The following EFNA5 variants were observed in gnomAD, a reference collection of about 807,000 sequenced individuals.
EFNA5 encodes ephrin-A5.
Under a neutral mutation model 22.9 loss-of-function variants are expected in EFNA5, and 5 were observed. That is an observed-to-expected ratio of 0.22 (90% CI 0.11 to 0.46). EFNA5 has a LOEUF of 0.46. Among genes scored for constraint, EFNA5 ranks in the 20% least tolerant of loss-of-function variants. The probability of loss-of-function intolerance (pLI) is 0.99; values close to 1 mark genes in which losing one functional copy is unlikely to be tolerated. For missense variants in EFNA5, 237 were observed against 293.3 expected, an observed-to-expected ratio of 0.81 and a Z score of 1.40; for synonymous variants, 113 against 112.2, an observed-to-expected ratio of 1.01 and a Z score of -0.04.
chr5:107,384,948 T>C (rs955780679), intron 4 of EFNA5, among the ~76,000 whole-genome samples: 2 of 151,772 alleles, frequency 1.3e-5, no homozygotes, highest in African/African-American at 4.8e-5. Context: ...GTTTTCTTAT[T>C]GCCAGGAATT....
At chr5:107,557,427 C>T (rs771801904) in intron 1 of EFNA5, among the ~76,000 whole-genome samples, 4 of 152,110 alleles carry the variant, frequency 2.6e-5, no homozygotes, top group Non-Finnish European at 5.9e-5. Context: ...TTCAGCCACA[C>T]GCTGCCTCAG....
intron 1 of EFNA5, among the ~76,000 whole-genome samples, chr5:107,515,105 T>C (rs1580506513): frequency 1.3e-5 from 2 of 152,164 alleles, no homozygotes; most frequent in Middle Eastern, 6.8e-3. Flanking sequence ...GAAAGTCCAC[T>C]TGCACTGTAA....
chr5:107,570,076 T>C (rs945853232), intron 1 of EFNA5, among the ~76,000 whole-genome samples: 7 of 152,138 alleles, frequency 4.6e-5, no homozygotes, highest in African/African-American at 1.7e-4. Flanking sequence ...CTGTATCTGT[T>C]TAACACCAAA....
chr5:107,638,346 C>T (rs557832320), intron 1 of EFNA5, among the ~76,000 whole-genome samples: 21 of 150,218 alleles, frequency 1.4e-4, no homozygotes, highest in South Asian at 4.3e-4. Flanking sequence ...GGGACTGGGG[C>T]GGGTGGGTGA....
chr5:107,577,157 A>G (rs1748944471), intron 1 of EFNA5, among the ~76,000 whole-genome samples: 1 of 152,200 alleles, frequency 6.6e-6, no homozygotes, highest in Admixed American at 6.5e-5. Context: ...TGACTAACAT[A>G]ATTGCCAACA....
intron 1 of EFNA5, among the ~76,000 whole-genome samples, chr5:107,647,302 T>C (rs972954261): frequency 6.6e-6 from 1 of 152,146 alleles, no homozygotes; most frequent in African/African-American, 2.4e-5. Flanking sequence ...CATCTCACAA[T>C]GCATCGTGGG....
intron 1 of EFNA5, among the ~76,000 whole-genome samples, chr5:107,632,654 A>C (rs1004190143): frequency 2.0e-5 from 3 of 152,144 alleles, no homozygotes; most frequent in Non-Finnish European, 2.9e-5. Context: ...TCAAATGTAA[A>C]CAAAATCTCA....
intron 1 of EFNA5, among the ~76,000 whole-genome samples, chr5:107,541,801 C>T (rs1191993431): frequency 6.6e-6 from 1 of 152,206 alleles, no homozygotes; most frequent in Non-Finnish European, 1.5e-5. Flanking sequence ...GACTCAGTCA[C>T]ATGTGGGAAA....
intron 1 of EFNA5, among the ~76,000 whole-genome samples, chr5:107,574,363 C>A (rs76162244): frequency 1.3e-5 from 2 of 149,628 alleles, no homozygotes; most frequent in Non-Finnish European, 1.5e-5. Context: ...CCCTCCCTTG[C>A]AAAAAAAAAA....
At chr5:107,511,041 T>TGTGTGTGTGTGTGTGTGAGA (rs1363882358) in intron 1 of EFNA5, among the ~76,000 whole-genome samples, 7 of 149,756 alleles carry the variant, frequency 4.7e-5, no homozygotes, top group African/African-American at 1.7e-4. Flanking sequence ...TGTGTGTGTG[T>TGTGTGTGTGTGTGTGTGAGA]GAGACGGAGA....
At chr5:107,619,930 A>C (rs939922362) in intron 1 of EFNA5, among the ~76,000 whole-genome samples, 1 of 152,058 alleles carries the variant, frequency 6.6e-6, no homozygotes, top group Admixed American at 6.5e-5. Flanking sequence ...CAAAACTGTG[A>C]CTCCTCCAAT....
At chr5:107,463,535 T>G (rs1467970872) in intron 1 of EFNA5, among the ~76,000 whole-genome samples, 1 of 152,160 alleles carries the variant, frequency 6.6e-6, no homozygotes, top group Non-Finnish European at 1.5e-5. Flanking sequence ...TTTGTGTATG[T>G]GTATATGTAA....
chr5:107,647,211 A>C (rs1750646157), intron 1 of EFNA5, among the ~76,000 whole-genome samples: 1 of 152,158 alleles, frequency 6.6e-6, no homozygotes, highest in Admixed American at 6.6e-5. Context: ...TATTTCTATC[A>C]TATTCAATTC....
intron 1 of EFNA5, among the ~76,000 whole-genome samples, chr5:107,603,157 G>C (rs1381337903): frequency 6.6e-6 from 1 of 152,132 alleles, no homozygotes; most frequent in Admixed American, 6.5e-5. Flanking sequence ...TTGTTTAAAG[G>C]ATTAAGCAGA....
intron 1 of EFNA5, among the ~76,000 whole-genome samples, chr5:107,586,534 T>C (rs1455820235): frequency 6.6e-6 from 1 of 152,212 alleles, no homozygotes; most frequent in South Asian, 2.1e-4. Context: ...TGTGCTACTG[T>C]ATTCCAGGCA....
intron 1 of EFNA5, among the ~76,000 whole-genome samples, chr5:107,495,246 G>A (rs1009177111): frequency 6.6e-6 from 1 of 152,122 alleles, no homozygotes. Context: ...CTCCACTCCT[G>A]AAGTCAGCGG....
chr5:107,545,773 G>T (rs747995527), intron 1 of EFNA5, among the ~76,000 whole-genome samples: 1 of 152,026 alleles, frequency 6.6e-6, no homozygotes. Context: ...TAATCAACTC[G>T]GCTTCAACAG....
intron 2 of EFNA5, among the ~76,000 whole-genome samples, chr5:107,405,818 T>A (rs1748193897): frequency 6.6e-6 from 1 of 151,230 alleles, no homozygotes; most frequent in Non-Finnish European, 1.5e-5. Flanking sequence ...ATAGCACCAA[T>A]TAATATTTGT....
rs79797416 is a variant in EFNA5 at position 107,620,497 on chromosome 5, T to C, written c.125+49992A>G. 6.9e-3 allele frequency among the ~76,000 whole-genome samples: 1,046 copies of C among 152,324 alleles called. 9 individuals carry two copies. Among genetic ancestry groups the C allele is most frequent in the African/African-American group, 0.024 (988 of 41,576 alleles). ...CTAAAAGAGATGGTTAAAAAATACA[T>C]TTTTTTCTGACTTAATAATGGGTTC... is the stretch of plus-strand genomic sequence containing the variant. On this transcript the variant is annotated intron_variant, in intron 1 of 4. Transcript: ENST00000333274.
Sources: allele counts gnomAD v4.1 joint callset (sites outside exome capture counted in the v4.1 genomes callset), GRCh38; gene constraint gnomAD v4.1.1; transcripts MANE v1.5; gene names NCBI Gene and HGNC (gene_info 2026-07-23, HGNC 2026-07-21).